KIAA1549L: variants seen among roughly 807,000 people sequenced by gnomAD.
The protein encoded by KIAA1549L is KIAA1549 like.
Under a neutral mutation model 160.7 loss-of-function variants are expected in KIAA1549L, and 88 were observed. That is an observed-to-expected ratio of 0.55 (90% CI 0.46 to 0.65). KIAA1549L has a LOEUF of 0.65. Ranked by LOEUF, KIAA1549L falls within the 30% of genes least tolerant of loss-of-function variation. KIAA1549L has a pLI of 0.00. For synonymous variants in KIAA1549L, 950 were observed against 976.7 expected (o/e 0.97, Z 0.51); for missense variants, 2,258 against 2,437.5 (o/e 0.93, Z 1.55).
At chr11:33,488,576 G>A (rs184345539) in intron 1 of KIAA1549L, among the ~76,000 whole-genome samples, 44 of 152,210 alleles carry the variant, frequency 2.9e-4, no homozygotes, top group African/African-American at 9.9e-4. Flanking sequence ...AACAACTATA[G>A]GAGGTAGATT....
chr11:33,376,335 G>T lies in KIAA1549L; in HGVS notation c.-317G>T, dbSNP rs887434773. 4 of 148,230 alleles carry T rather than the reference G, an allele frequency of 2.7e-5. No homozygotes were observed. The highest frequency in any genetic ancestry group is 1.3e-4 in the Admixed American group (2 of 14,968). The allele number at this position is 148,230 out of a possible 1,614,324, so 9.2% of individuals were successfully genotyped here. On this transcript the variant is annotated 5_prime_UTR_variant, in exon 1 of 21. Coordinates refer to ENST00000658780, the MANE Select transcript of KIAA1549L (RefSeq NM_012194.3). This position sits in a 1 kb window ranked among gnomAD's most constrained non-coding sequence, Gnocchi z 5.8. ...TAGTTCTGCAGGAGCCGGCCCGGGG[G>T]AGGGGGCCCCGGGCGGCGCCCGTCC...
At chr11:33,391,476 G>C (rs1359174858) in intron 1 of KIAA1549L, among the ~76,000 whole-genome samples, 1 of 152,188 alleles carries the variant, frequency 6.6e-6, no homozygotes, top group Non-Finnish European at 1.5e-5. Flanking sequence ...CCATCTCTCA[G>C]TTCATGTAAT....
intron 1 of KIAA1549L, among the ~76,000 whole-genome samples, chr11:33,463,057 G>A (rs941828804): frequency 1.3e-5 from 2 of 151,916 alleles, no homozygotes; most frequent in African/African-American, 4.8e-5. Context: ...TTGAACTCCC[G>A]GGCTCAAGTA....
intron 12 of KIAA1549L, 72 bp downstream of exon 12, chr11:33,591,493 C>G (rs1292523023): frequency 2.4e-6 from 3 of 1,234,364 alleles, no homozygotes; most frequent in Non-Finnish European, 3.4e-6. Flanking sequence ...AGCTGATGCC[C>G]TCAAGTTAAT....
At chr11:33,509,227 G>C (rs1853167456) in intron 1 of KIAA1549L, among the ~76,000 whole-genome samples, 1 of 152,114 alleles carries the variant, frequency 6.6e-6, no homozygotes, top group Non-Finnish European at 1.5e-5. Flanking sequence ...TACAGAAAAG[G>C]CCAAACCTTC....
At position 33,630,455 on chromosome 11, in the gene KIAA1549L, G is replaced by A. The variant is rs554608192; in HGVS notation, c.5409+11793G>A. On this transcript the variant is annotated intron_variant, in intron 16 of 20. Transcript: ENST00000658780. ...AGACTCCGTGGGCGTAGGCCCCTCC[G>A]AGCCAGGTGCGGGATATAATCTCCT... Among the ~76,000 whole-genome samples the A allele has an allele frequency of 7.2e-4, 110 of 152,104 alleles. 1 individual carries two copies. The South Asian group carries it at 0.02, about 28-fold the overall frequency.
chr11:33,504,196 G>T (rs925255057), intron 1 of KIAA1549L, among the ~76,000 whole-genome samples: 1 of 152,112 alleles, frequency 6.6e-6, no homozygotes. Context: ...GGGAGGTGGA[G>T]GTTGCAGTGA....
In KIAA1549L at chr11:33,495,871, T is replaced by C. The variant is rs1246661030; in HGVS notation, c.239-45931T>C. ...GTGGTTTTGATTTGCATTTCTCTAA[T>C]GGCCAGTGATGGTGAGCATTTTTTC... On this transcript the variant is annotated intron_variant, in intron 1 of 20. Transcript: ENST00000658780. 3.9e-5 allele frequency among the ~76,000 whole-genome samples: 6 copies of C among 152,104 alleles called. No homozygotes were observed. In the South Asian group the frequency reaches 1.0e-3, roughly 26 times the overall value.
At chr11:33,547,985 G>A (rs1477420830) in intron 4 of KIAA1549L, 106 bp downstream of exon 4, 2 of 718,266 alleles carry the variant, frequency 2.8e-6, no homozygotes, top group Admixed American at 4.9e-5. Flanking sequence ...AACAACACTG[G>A]CCAGAAGTAG....
At chr11:33,451,535 A>G (rs1484591537) in intron 1 of KIAA1549L, among the ~76,000 whole-genome samples, 1 of 152,240 alleles carries the variant, frequency 6.6e-6, no homozygotes, top group Non-Finnish European at 1.5e-5. Context: ...CAAATTTATC[A>G]TCCTGCGTAA....
At chr11:33,505,241 C>T (rs187638611) in intron 1 of KIAA1549L, among the ~76,000 whole-genome samples, 1 of 152,196 alleles carries the variant, frequency 6.6e-6, no homozygotes, top group South Asian at 2.1e-4. Flanking sequence ...AGCTAAACAA[C>T]CCAGACTCTC....
intron 1 of KIAA1549L, among the ~76,000 whole-genome samples, chr11:33,419,326 T>C (rs1850950756): frequency 6.6e-6 from 1 of 152,254 alleles, no homozygotes; most frequent in African/African-American, 2.4e-5. Flanking sequence ...ATTATAATGA[T>C]ACCTTGACAT....
In KIAA1549L at chr11:33,543,980, A is replaced by G. The variant is rs1431371966; in HGVS notation, c.2417A>G (p.Asn806Ser). ...CATATAGACCTCTGGCCCACAAGCA[A>G]TAACAACCATTCCAGAGACTTCCAA... ...GSHIDLWPTS[N>S]NNHSRDFQTA... Residue 806 changes from asparagine (N) to serine (S), a missense_variant, in exon 2 of 21, where the codon AAT becomes AGT. Around this residue, in one of 6 missense-constraint regions of KIAA1549L, gnomAD observed 287 missense variants for 292.3 expected, o/e 0.98. Transcript: ENST00000658780. The G allele has an allele frequency of 4.3e-6, 7 of 1,614,048 alleles. No homozygotes were observed. Among genetic ancestry groups the G allele is most frequent in the African/African-American group, 2.7e-5 (2 of 75,066 alleles).
At chr11:33,561,784 TA>T (rs1191781972) in intron 8 of KIAA1549L, 49 bp downstream of exon 8, 5 of 1,354,844 alleles carry the variant, frequency 3.7e-6, no homozygotes, top group South Asian at 1.2e-5. Flanking sequence ...CAGATTGATT[TA>T]TTTTTTTTAA....
chr11:33,550,881 C>T (rs143743420), intron 4 of KIAA1549L, among the ~76,000 whole-genome samples, 159 bp from the exon 5 acceptor site: 7 of 152,308 alleles, frequency 4.6e-5, no homozygotes, highest in African/African-American at 1.7e-4. Context: ...ACTTGCCAAT[C>T]CAAACTATGC....
rs933924285 is a variant in KIAA1549L at position 33,383,681 on chromosome 11, G to T, written c.238+6792G>T. The stretch of plus-strand genomic sequence containing the variant: ...GGACAAGAAACTCTCACTCGGGCAG[G>T]TGTGGTGGCAGGTGGGTAAAGTACT... On this transcript the variant is annotated intron_variant, in intron 1 of 20. Transcript: ENST00000658780. Among the ~76,000 whole-genome samples the T allele has an allele frequency of 2.0e-5, 3 of 152,158 alleles. No homozygotes were observed. The East Asian group carries it at 5.8e-4, about 29-fold the overall frequency.
intron 9 of KIAA1549L, among the ~76,000 whole-genome samples, chr11:33,570,527 C>G (rs1244285233): frequency 6.6e-6 from 1 of 152,064 alleles, no homozygotes; most frequent in Non-Finnish European, 1.5e-5. Flanking sequence ...CTACCAGATT[C>G]TACTAACACT....
chr11:33,649,673 C>G (rs1198265669), intron 17 of KIAA1549L, among the ~76,000 whole-genome samples: 5 of 151,732 alleles, frequency 3.3e-5, no homozygotes, highest in Non-Finnish European at 7.4e-5. Context: ...ACAACTCCCC[C>G]CAAGCCTTTG....
intron 16 of KIAA1549L, among the ~76,000 whole-genome samples, chr11:33,625,279 T>TG (rs1851072809): frequency 6.6e-6 from 1 of 152,054 alleles, no homozygotes; most frequent in Admixed American, 6.5e-5. Context: ...TACCCAGTAA[T>TG]GGGATGGCTG....
Sources: allele counts gnomAD v4.1 joint callset (sites outside exome capture counted in the v4.1 genomes callset), GRCh38; gene constraint gnomAD v4.1.1; regional missense constraint gnomAD v4.1.1; non-coding constraint Gnocchi (gnomAD v3.1); transcripts MANE v1.5; gene names NCBI Gene and HGNC (gene_info 2026-07-23, HGNC 2026-07-21).